KIRREL3: variants seen among roughly 807,000 people sequenced by gnomAD.
KIRREL3 encodes kirre like nephrin family adhesion molecule 3, also known as kin of IRRE-like protein 3.
Under a neutral mutation model 89.7 loss-of-function variants are expected in KIRREL3, and 36 were observed. The observed-to-expected ratio is 0.40, with a 90% confidence interval of 0.31 to 0.53. The LOEUF (loss-of-function observed/expected upper bound fraction) is 0.53, where lower values mean the gene tolerates loss of function less well. Ranked by LOEUF, KIRREL3 falls within the 20% of genes least tolerant of loss-of-function variation. The pLI, the probability that KIRREL3 is intolerant of heterozygous loss-of-function variation, is 0.49. For missense variants in KIRREL3, 864 were observed against 1,056.6 expected (o/e 0.82, Z 2.53); for synonymous variants, 445 against 441.4 (o/e 1.01, Z -0.10).
chr11:126,852,903 G>A (rs547765508), intron 1 of KIRREL3, among the ~76,000 whole-genome samples: 3 of 152,254 alleles, frequency 2.0e-5, no homozygotes, highest in Non-Finnish European at 4.4e-5. Flanking sequence ...GAACCAAGAC[G>A]CCCTCAGGGA....
intron 1 of KIRREL3, among the ~76,000 whole-genome samples, chr11:126,922,220 C>T (rs890601484): frequency 1.3e-5 from 2 of 151,578 alleles, no homozygotes; most frequent in African/African-American, 4.8e-5. Flanking sequence ...CCTGGCTAAC[C>T]CTAACCTGCT....
chr11:126,632,607 T>C (rs113004592), intron 1 of KIRREL3, among the ~76,000 whole-genome samples: 3,042 of 151,636 alleles, frequency 0.02, 106 homozygotes, highest in African/African-American at 0.068. Context: ...ATTGCCTTCT[T>C]ACCTTCCCCT....
chr11:126,592,122 C>T (rs1233567040), intron 1 of KIRREL3, among the ~76,000 whole-genome samples: 1 of 152,152 alleles, frequency 6.6e-6, no homozygotes, highest in Non-Finnish European at 1.5e-5. Flanking sequence ...TGTCGAGCCC[C>T]TGGGATGGGG....
chr11:126,998,693 C>T lies in KIRREL3; in HGVS notation c.55+1762G>A, dbSNP rs534617956. 3.3e-5 allele frequency among the ~76,000 whole-genome samples: 5 copies of T among 152,270 alleles called. No individual in the cohort carries two copies. In the South Asian group the frequency reaches 6.2e-4, roughly 19 times the overall value. ...AAGATGTACACTGTAATGATTCAGA[C>T]GGCCAGGGAGGTACTTAGACACCTA... On this transcript the variant is annotated intron_variant, in intron 1 of 16. Transcript: ENST00000525144.
At chr11:126,437,661 T>C (rs1223566536) in intron 11 of KIRREL3, among the ~76,000 whole-genome samples, 12 of 151,836 alleles carry the variant, frequency 7.9e-5, no homozygotes, top group Admixed American at 7.9e-4. Flanking sequence ...GACATGTACA[T>C]ACACATGGCA....
intron 1 of KIRREL3, among the ~76,000 whole-genome samples, chr11:126,938,939 G>A (rs977333702): frequency 1.4e-4 from 21 of 152,268 alleles, no homozygotes; most frequent in Admixed American, 5.2e-4. Context: ...CAAGTAGGAT[G>A]AGACAGGAGT....
chr11:126,921,957 ATATCTATATC>A (rs1163416922), intron 1 of KIRREL3, among the ~76,000 whole-genome samples: 2 of 136,970 alleles, frequency 1.5e-5, no homozygotes, highest in African/African-American at 5.6e-5. Context: ...TATCATCTGT[ATATCTATATC>A]TATCTATCTA....
chr11:126,705,231 A>G lies in KIRREL3; in HGVS notation c.56-142319T>C, dbSNP rs1947481208. Among the ~76,000 whole-genome samples, 1 of 152,096 alleles carries G rather than the reference A, an allele frequency of 6.6e-6. No homozygotes were observed. The highest frequency in any genetic ancestry group is 1.5e-5 in the Non-Finnish European group (1 of 68,028). On this transcript the variant is annotated intron_variant, in intron 1 of 16. Transcript: ENST00000525144. The surrounding 1 kb of genome is among the most constrained non-coding windows in gnomAD (Gnocchi z 4.3). ...TGCAAATTTTATATATGTCTTTGTG[A>G]TATGGTTTGGAGGTTTGTCCTCTTC...
chr11:126,893,019 G>A (rs547173121), intron 1 of KIRREL3, among the ~76,000 whole-genome samples: 1 of 152,138 alleles, frequency 6.6e-6, no homozygotes, highest in Non-Finnish European at 1.5e-5. Context: ...GGATTTTGAC[G>A]CTGTCGTAAT....
In KIRREL3 at chr11:126,677,960, A is replaced by G. The variant is rs1393137217; in HGVS notation, c.56-115048T>C. Among the ~76,000 whole-genome samples, 1 of 152,132 alleles carries G rather than the reference A, an allele frequency of 6.6e-6. No individual in the cohort carries two copies. Among genetic ancestry groups the G allele is most frequent in the Non-Finnish European group, 1.5e-5 (1 of 68,026 alleles). ...GTGTCAGGCCCTGGGACCCAGAGACACACCCCGTCCCCAGGCTCCAGCTTC... is the reference window on the plus strand; with the variant it reads ...GTGTCAGGCCCTGGGACCCAGAGACGCACCCCGTCCCCAGGCTCCAGCTTC... On this transcript the variant is annotated intron_variant, in intron 1 of 16. Transcript: ENST00000525144. The surrounding 1 kb of genome is among the most constrained non-coding windows in gnomAD (Gnocchi z 5.1).
intron 1 of KIRREL3, among the ~76,000 whole-genome samples, chr11:126,582,930 T>A (rs1941635261): frequency 8.9e-6 from 1 of 112,092 alleles, no homozygotes; most frequent in Non-Finnish European, 1.9e-5. Context: ...AGGGCTTAGA[T>A]AGCCTAAGTG....
chr11:126,440,982 C>T (rs1009127920), intron 10 of KIRREL3: 1 of 204,936 alleles, frequency 4.9e-6, no homozygotes, highest in Non-Finnish European at 1.0e-5. Flanking sequence ...CAGCGGCACC[C>T]CTGCGAGCCA....
intron 1 of KIRREL3, among the ~76,000 whole-genome samples, chr11:126,691,072 A>T (rs1488448568): frequency 6.6e-6 from 1 of 152,210 alleles, no homozygotes; most frequent in Non-Finnish European, 1.5e-5. Flanking sequence ...TGATCAGGGA[A>T]ATGCATATCA....
In KIRREL3 at chr11:126,941,021, G is replaced by C. The variant is rs114038227; in HGVS notation, c.55+59434C>G. 568 of 152,214 alleles carry C rather than the reference G, an allele frequency of 3.7e-3. 4 individuals are homozygous for C. The highest frequency in any genetic ancestry group is 0.013 in the African/African-American group (533 of 41,540). The allele number at this position is 152,214 out of a possible 1,614,324, so 9.4% of individuals were successfully genotyped here. A position where few individuals can be genotyped will look rare whatever the true frequency, so the allele number is the denominator to read the frequency against. On this transcript the variant is annotated intron_variant, in intron 1 of 16. Coordinates refer to ENST00000525144, the MANE Select transcript of KIRREL3 (RefSeq NM_032531.4). Reference sequence around the variant, plus strand: ...AATTACCTAGCTTGATTGAAGCTTAGTCTGTTGACTACCAGAAAACAACAC... The same window carrying C: ...AATTACCTAGCTTGATTGAAGCTTACTCTGTTGACTACCAGAAAACAACAC...
In KIRREL3 at chr11:126,867,428, C is replaced by T. The variant is rs1944962497; in HGVS notation, c.55+133027G>A. Among the ~76,000 whole-genome samples the T allele has an allele frequency of 2.0e-5, 3 of 152,172 alleles. No individual in the cohort carries two copies. Among genetic ancestry groups the T allele is most frequent in the Non-Finnish European group, 2.9e-5 (2 of 68,024 alleles). On this transcript the variant is annotated intron_variant, in intron 1 of 16. Coordinates refer to ENST00000525144, the MANE Select transcript of KIRREL3 (RefSeq NM_032531.4). This position sits in a 1 kb window ranked among gnomAD's most constrained non-coding sequence, Gnocchi z 4.7. ...TTGGAATGCTGTTTCTCCTCTCTCC[C>T]ACTTCCAAAACTCTTTCAAGGACCA...
rs1456417695 is a variant in KIRREL3, at chr11:126,526,778, C to T, written c.134-91G>A. ...AGCTATGGAAGCAGAGCAGGGCTGG[C>T]GCAGGAGACTGAGCCTCCTGAAGCA... On this transcript the variant is annotated intron_variant, in intron 2 of 16. Transcript: ENST00000525144. This position sits in a 1 kb window ranked among gnomAD's most constrained non-coding sequence, Gnocchi z 5.7. 15 of 1,401,374 alleles carry T rather than the reference C, an allele frequency of 1.1e-5. No individual in the cohort carries two copies. In the South Asian group the frequency reaches 1.2e-4, roughly 11 times the overall value. The allele number at this position is 1,401,374 out of a possible 1,614,324, so 86.8% of individuals were successfully genotyped here. A position where few individuals can be genotyped will look rare whatever the true frequency, so the allele number is the denominator to read the frequency against.
Position 126,515,841 on chromosome 11 carries a change from C to G in KIRREL3, c.433+5474G>C, listed in dbSNP as rs909908441. On this transcript the variant is annotated intron_variant, in intron 4 of 16. Transcript: ENST00000525144. This position sits in a 1 kb window ranked among gnomAD's most constrained non-coding sequence, Gnocchi z 4.2. ...CACCTACTGATTTGCCTTTTTATGT[C>G]AGGGTGACTATGGATGGGTTTCTTG... Among the ~76,000 whole-genome samples the G allele has an allele frequency of 1.3e-5, 2 of 152,224 alleles. No homozygotes were observed. Among genetic ancestry groups the G allele is most frequent in the African/African-American group, 2.4e-5 (1 of 41,452 alleles).
chr11:126,455,306 G>A lies in KIRREL3; in HGVS notation c.848+1043C>T. 6.6e-6 allele frequency among the ~76,000 whole-genome samples: 1 copy of A among 152,208 alleles called. No individual in the cohort carries two copies. The highest frequency in any genetic ancestry group is 6.5e-5 in the Admixed American group (1 of 15,286). On this transcript the variant is annotated intron_variant, in intron 7 of 16. Coordinates refer to ENST00000525144, the MANE Select transcript of KIRREL3 (RefSeq NM_032531.4). The surrounding 1 kb of genome is among the most constrained non-coding windows in gnomAD (Gnocchi z 6.4). ...AGGTCACTTAGTCTCCTAGAGTCTT[G>A]TGCAGTGACAGTGCCCAGGCAGAAA...
intron 1 of KIRREL3, among the ~76,000 whole-genome samples, chr11:126,760,191 G>T (rs1303815713): frequency 6.6e-6 from 1 of 152,130 alleles, no homozygotes; most frequent in South Asian, 2.1e-4. Context: ...CTGTCTGGGG[G>T]TCACCCATAG....
Sources: gnomAD v4.1 joint callset for allele counts (sites outside exome capture counted in the v4.1 genomes callset) on GRCh38, gnomAD v4.1.1 for gene constraint, Gnocchi (gnomAD v3.1) non-coding constraint, MANE v1.5 for transcripts, NCBI Gene and HGNC (gene_info 2026-07-23, HGNC 2026-07-21) for gene names.